Variants in KRT72 observed in about 807,000 individuals in gnomAD.
The protein encoded by KRT72 is keratin 72.
KRT72 carries 44 observed loss-of-function variants against 44.7 expected under a neutral mutation model. That is an observed-to-expected ratio of 0.98 (90% confidence interval 0.77 to 1.27). The LOEUF is 1.27. Ranked by LOEUF, KRT72 falls within the 50% of genes most tolerant of loss-of-function variation. The probability of loss-of-function intolerance (pLI) is 0.00; values close to 1 mark genes in which losing one functional copy is unlikely to be tolerated. For synonymous variants in KRT72, 302 were observed against 280.4 expected (o/e 1.08, Z -0.77); for missense variants, 736 against 667.1 (o/e 1.10, Z -1.14).
chr12:52,600,918 C>T (rs543956162), intron 1 of KRT72, 109 bp downstream of exon 1: 34 of 1,174,508 alleles, frequency 2.9e-5, no homozygotes, highest in Non-Finnish European at 3.5e-5. Context: ...AAGGGAGGCT[C>T]GGAGAGGTTA....
At position 52,587,738 on chromosome 12, in the gene KRT72, C is replaced by T; in HGVS notation, c.1203G>A (p.Glu401=). 6.2e-7 allele frequency: 1 copy of T among 1,614,220 alleles called. No homozygotes were observed. Among genetic ancestry groups the T allele is most frequent in the Non-Finnish European group, 8.5e-7 (1 of 1,180,040 alleles). The change falls in exon 7 of 9, where the codon GAG becomes GAA. Residue 401 remains glutamate, a synonymous_variant. Coordinates refer to ENST00000293745, the MANE Select transcript of KRT72 (RefSeq NM_080747.3). ...ELEGALHQAK[E]ELARMLREYQ... ...ACTCACGCAGCATCCGTGCCAGCTC[C>T]TCCTTGGCCTGGTGCAGGGCGCCCT...
chr12:52,592,107 C>G (rs2120752926), intron 4 of KRT72, among the ~76,000 whole-genome samples: 1 of 152,318 alleles, frequency 6.6e-6, no homozygotes, highest in South Asian at 2.1e-4. Flanking sequence ...TCACTGATGG[C>G]CCAGGCAGAA....
chr12:52,602,799 G>C (rs747457878), upstream of KRT72, among the ~76,000 whole-genome samples: 1 of 152,186 alleles, frequency 6.6e-6, no homozygotes, highest in African/African-American at 2.4e-5. Flanking sequence ...GGACCTCATG[G>C]GTTGGTTAAA....
chr12:52,601,641 C>T, upstream of KRT72: 1 of 602,594 alleles, frequency 1.7e-6, no homozygotes, highest in Non-Finnish European at 2.8e-6. Flanking sequence ...ATGCACTCAC[C>T]GAGATTTTTG....
At chr12:52,587,539 A>G in intron 7 of KRT72, 92 bp downstream of exon 7, 1 of 1,335,144 alleles carries the variant, frequency 7.5e-7, no homozygotes, top group Non-Finnish European at 1.1e-6. Flanking sequence ...TTACTTCAGT[A>G]GGACCTAAAC....
At position 52,586,938 on chromosome 12, in the gene KRT72, A is replaced by T; in HGVS notation, c.1345+8T>A. ...CCAAGGGCAGAACTGAGATCTGCAGATACTTACAGATGCTCACAGAATTTG... is the reference window on the plus strand; with the variant it reads ...CCAAGGGCAGAACTGAGATCTGCAGTTACTTACAGATGCTCACAGAATTTG... On this transcript the variant is annotated splice_region_variant and intron_variant, in intron 8 of 8. Coordinates refer to ENST00000293745, the MANE Select transcript of KRT72 (RefSeq NM_080747.3). 3 of 1,613,198 alleles carry T rather than the reference A, an allele frequency of 1.9e-6. No individual in the cohort carries two copies. Among genetic ancestry groups the T allele is most frequent in the Non-Finnish European group, 2.5e-6 (3 of 1,179,118 alleles).
chr12:52,591,672 G>A, intron 4 of KRT72, 44 bp from the exon 5 acceptor site: 2 of 1,558,388 alleles, frequency 1.3e-6, no homozygotes, highest in African/African-American at 2.7e-5. Context: ...GGGTACTCAT[G>A]AGGAACCAGT....
chr12:52,592,863 T>A, intron 3 of KRT72, 29 bp downstream of exon 3: 1 of 1,609,310 alleles, frequency 6.2e-7, no homozygotes, highest in Non-Finnish European at 8.5e-7. Flanking sequence ...GGTCTAGGCT[T>A]CTTCCAGCCC....
At chr12:52,594,628 C>A (rs905602210) in intron 2 of KRT72, among the ~76,000 whole-genome samples, 1 of 152,022 alleles carries the variant, frequency 6.6e-6, no homozygotes, top group African/African-American at 2.4e-5. Flanking sequence ...GGAGGGATAG[C>A]ATTGGGAGAA....
chr12:52,593,007 T>A (rs1234465116), intron 2 of KRT72, 55 bp from the exon 3 acceptor site: 1 of 1,534,352 alleles, frequency 6.5e-7, no homozygotes, highest in Non-Finnish European at 8.9e-7. Flanking sequence ...CACTGAACAG[T>A]TAGTGACCAC....
At position 52,591,533 on chromosome 12, in the gene KRT72, C is replaced by T. The variant is rs1403842363; in HGVS notation, c.894G>A (p.Glu298=). The T allele has an allele frequency of 6.2e-7, 1 of 1,614,118 alleles. No homozygotes were observed. The highest frequency in any genetic ancestry group is 8.5e-7 in the Non-Finnish European group (1 of 1,179,982). Residue 298 remains glutamate, a synonymous_variant, in exon 5 of 9, where the codon GAG becomes GAA. Coordinates refer to ENST00000293745, the MANE Select transcript of KRT72 (RefSeq NM_080747.3). ...CAATCTCCTCGTACTGGGCACGGAC[C>T]TCGGCAATGATGCTGTCCAGGTCCA... The part of the protein sequence containing the change: ...RDLDLDSIIA[E]VRAQYEEIAL...
At chr12:52,600,356 G>T (rs1335564980) in intron 1 of KRT72, among the ~76,000 whole-genome samples, 1 of 152,094 alleles carries the variant, frequency 6.6e-6, no homozygotes, top group Non-Finnish European at 1.5e-5. Context: ...AGCTCTCAAA[G>T]TGCCCATTCC....
In KRT72 at chr12:52,587,010, C is replaced by A. The variant is rs780821763; in HGVS notation, c.1311-30G>T. ...AGAAGGAGAAGAAAAACAGGTAAAT[C>A]CCCCATAAATAATCACCCCAACCAC... On this transcript the variant is annotated intron_variant, in intron 7 of 8. Coordinates refer to ENST00000293745, the MANE Select transcript of KRT72 (RefSeq NM_080747.3). 6 of 1,609,342 alleles carry A rather than the reference C, an allele frequency of 3.7e-6. No individual in the cohort carries two copies. In the East Asian group the frequency reaches 1.1e-4, roughly 30 times the overall value.
intron 2 of KRT72, among the ~76,000 whole-genome samples, chr12:52,597,297 C>G (rs584039): frequency 0.015 from 2,263 of 152,270 alleles, 50 homozygotes; most frequent in African/African-American, 0.052. Context: ...AAGACATATA[C>G]ACTGTGCATC....
At chr12:52,599,918 G>A (rs1940356091) in intron 1 of KRT72, among the ~76,000 whole-genome samples, 1 of 53,318 alleles carries the variant, frequency 1.9e-5, no homozygotes, top group African/African-American at 2.7e-4. Context: ...ATCATGGGTT[G>A]TGATTGTAAA....
chr12:52,590,088 A>G (rs754311611), intron 6 of KRT72, among the ~76,000 whole-genome samples: 3 of 152,034 alleles, frequency 2.0e-5, no homozygotes, highest in Non-Finnish European at 4.4e-5. Context: ...GGACAACTTG[A>G]CTTGCCTGGG....
At position 52,592,429 on chromosome 12, in the gene KRT72, A is replaced by G; in HGVS notation, c.765T>C (p.Asp255=). The G allele has an allele frequency of 6.2e-7, 1 of 1,603,354 alleles. No individual in the cohort carries two copies. Among genetic ancestry groups the G allele is most frequent in the Non-Finnish European group, 8.5e-7 (1 of 1,170,274 alleles). ...AAAGGCACTTGAAGAATTTAATCTC[A>G]TCTGTCAAGGAGTCCACCTTGGCCT... ...ELQAKVDSLT[D]EIKFFKCLYE... is the part of the protein sequence containing the mutation. The change falls in exon 4 of 9, where the codon GAT becomes GAC. Residue 255 remains aspartate (D), a synonymous_variant. Transcript: ENST00000293745.
intron 1 of KRT72, among the ~76,000 whole-genome samples, chr12:52,599,638 G>A (rs138235464): frequency 1.3e-5 from 2 of 152,278 alleles, no homozygotes; most frequent in African/African-American, 4.8e-5. Context: ...CCACACACCA[G>A]CATTCCTCTT....
intron 2 of KRT72, among the ~76,000 whole-genome samples, chr12:52,597,303 G>T (rs761890873): frequency 6.6e-6 from 1 of 152,160 alleles, no homozygotes; most frequent in Non-Finnish European, 1.5e-5. Flanking sequence ...TATACACTGT[G>T]CATCTTCTAG....
Sources: allele counts gnomAD v4.1 joint callset (sites outside exome capture counted in the v4.1 genomes callset), GRCh38; gene constraint gnomAD v4.1.1; transcripts MANE v1.5; gene names NCBI Gene and HGNC (gene_info 2026-07-23, HGNC 2026-07-21).